Variants in MAF observed in about 807,000 individuals in gnomAD.
MAF encodes the protein MAF bZIP transcription factor.
In MAF, 10 loss-of-function variants were observed where a neutral mutation model predicts 22.0. That is an observed-to-expected ratio of 0.45 (90% CI 0.28 to 0.77). MAF has a LOEUF of 0.77. Ranked by LOEUF, MAF falls within the 30% of genes least tolerant of loss-of-function variation. The pLI is 0.12. For missense variants in MAF, 544 were observed against 548.4 expected, an observed-to-expected ratio of 0.99 and a Z score of 0.08; for synonymous variants, 337 against 255.8, an observed-to-expected ratio of 1.32 and a Z score of -3.03.
At chr16:79,404,755 C>T in the MAF span, among the ~76,000 whole-genome samples, 8 of 152,242 alleles carry the variant, frequency 5.3e-5, no homozygotes, top group African/African-American at 1.9e-4. Context: ...AAAGGGAAAT[C>T]TCAGACTGAC....
chr16:79,553,530 G>A, the MAF span, among the ~76,000 whole-genome samples: 1 of 152,196 alleles, frequency 6.6e-6, no homozygotes, highest in Non-Finnish European at 1.5e-5. Context: ...TCAGCATATT[G>A]CCTCCACAAC....
chr16:79,558,939 G>T, the MAF span, among the ~76,000 whole-genome samples: 6 of 152,204 alleles, frequency 3.9e-5, no homozygotes, highest in African/African-American at 1.4e-4. Context: ...CACAGAATTT[G>T]TTTATTCTTG....
the MAF span, among the ~76,000 whole-genome samples, chr16:79,447,162 T>G: frequency 6.6e-6 from 1 of 152,282 alleles, no homozygotes; most frequent in South Asian, 2.1e-4. Context: ...TGACTTTAAG[T>G]TGAAGCCAAA....
At chr16:79,476,316 G>C in the MAF span, among the ~76,000 whole-genome samples, 6 of 152,318 alleles carry the variant, frequency 3.9e-5, no homozygotes, top group South Asian at 4.1e-4. Context: ...TAACAAGTGA[G>C]ATAAAACTGT....
chr16:79,520,489 G>T, the MAF span, among the ~76,000 whole-genome samples: 1 of 151,726 alleles, frequency 6.6e-6, no homozygotes, highest in Non-Finnish European at 1.5e-5. Context: ...GTGTGTGCGT[G>T]TGTGTGTGTG....
chr16:79,494,726 G>A, the MAF span, among the ~76,000 whole-genome samples: 7 of 152,050 alleles, frequency 4.6e-5, no homozygotes, highest in Admixed American at 1.3e-4. Context: ...TGAGTGTCCC[G>A]GTAACCGCCT....
the MAF span, among the ~76,000 whole-genome samples, chr16:79,405,813 C>T: frequency 6.6e-6 from 1 of 152,196 alleles, no homozygotes; most frequent in South Asian, 2.1e-4. Flanking sequence ...GTGCTCGCCT[C>T]ATTTTGGAGA....
the MAF span, among the ~76,000 whole-genome samples, chr16:79,424,395 A>G: frequency 6.6e-6 from 1 of 152,060 alleles, no homozygotes; most frequent in Non-Finnish European, 1.5e-5. Context: ...TTCTCCATCA[A>G]ATGAAAACAG....
At chr16:79,560,794 C>G in the MAF span, among the ~76,000 whole-genome samples, 1 of 152,168 alleles carries the variant, frequency 6.6e-6, no homozygotes, top group Non-Finnish European at 1.5e-5. Context: ...TTCATAATCC[C>G]TAGGTCACCT....
At chr16:79,208,717 A>C in the MAF span, among the ~76,000 whole-genome samples, 5 of 152,154 alleles carry the variant, frequency 3.3e-5, no homozygotes, top group East Asian at 1.9e-4. Flanking sequence ...AATGTGCCTC[A>C]GTCTTATTCT....
At chr16:79,294,911 A>T in the MAF span, among the ~76,000 whole-genome samples, 1 of 152,222 alleles carries the variant, frequency 6.6e-6, no homozygotes, top group Non-Finnish European at 1.5e-5. Flanking sequence ...GGAACAAGGA[A>T]CAAAGAAGGA....
the MAF span, among the ~76,000 whole-genome samples, chr16:79,327,584 G>A: frequency 1.3e-5 from 2 of 152,150 alleles, no homozygotes; most frequent in Admixed American, 6.5e-5. Context: ...GCTCCACCCA[G>A]GGTGGCCCAA....
At chr16:79,259,471 C>G in the MAF span, among the ~76,000 whole-genome samples, 5 of 152,002 alleles carry the variant, frequency 3.3e-5, no homozygotes, top group African/African-American at 1.2e-4. Flanking sequence ...TTACTGTCTA[C>G]TCCCCCACCA....
the MAF span, among the ~76,000 whole-genome samples, chr16:79,413,942 G>C: frequency 9.2e-5 from 14 of 152,298 alleles, no homozygotes; most frequent in East Asian, 2.5e-3. Flanking sequence ...AAGAGGATGA[G>C]CTTTGGGGCC....
chr16:79,331,798 C>A, the MAF span, among the ~76,000 whole-genome samples: 2 of 152,124 alleles, frequency 1.3e-5, no homozygotes, highest in African/African-American at 4.8e-5. Flanking sequence ...CATTCAGAAC[C>A]CACACTCCTA....
the MAF span, among the ~76,000 whole-genome samples, chr16:79,443,050 G>A: frequency 6.6e-6 from 1 of 152,204 alleles, no homozygotes; most frequent in Non-Finnish European, 1.5e-5. Context: ...ACTGATTGGG[G>A]TCACACAAGA....
chr16:79,588,853 G>C (rs1597835650), downstream of MAF, among the ~76,000 whole-genome samples: 1 of 152,090 alleles, frequency 6.6e-6, no homozygotes, highest in Non-Finnish European at 1.5e-5. Context: ...AATTTTTTAA[G>C]CCAGATGAAA....
the MAF span, among the ~76,000 whole-genome samples, chr16:79,538,281 C>T: frequency 6.6e-6 from 1 of 152,138 alleles, no homozygotes; most frequent in East Asian, 1.9e-4. Flanking sequence ...AATTAAAGCA[C>T]AGTACAAGAT....
chr16:79,206,559 C>G, the MAF span: 1 of 152,314 alleles, frequency 6.6e-6, no homozygotes. Context: ...CGTAACCTCT[C>G]AATAAATGCT....
Sources: allele counts gnomAD v4.1 joint callset (sites outside exome capture counted in the v4.1 genomes callset), GRCh38; gene constraint gnomAD v4.1.1; transcripts MANE v1.5; gene names NCBI Gene and HGNC (gene_info 2026-07-23, HGNC 2026-07-21).